The following MED1 variants were observed in gnomAD, a reference collection of about 807,000 sequenced individuals.
MED1 encodes mediator complex subunit 1.
MED1 carries 17 observed loss-of-function variants against 121.3 expected under a neutral mutation model. That is an observed-to-expected ratio of 0.14 (90% confidence interval 0.10 to 0.21). The LOEUF (loss-of-function observed/expected upper bound fraction) is 0.21, where lower values mean the gene tolerates loss of function less well. MED1 is among the 10% of genes least tolerant of loss of function. The pLI, the probability that MED1 is intolerant of heterozygous loss-of-function variation, is 1.00. For missense variants in MED1, 1,558 were observed against 1,919.4 expected (o/e 0.81, Z 3.52); for synonymous variants, 661 against 694.4 (o/e 0.95, Z 0.76).
rs546267334 is a variant in MED1 at position 39,406,115 on chromosome 17, G to C, written c.*1360C>G. On this transcript the variant is annotated 3_prime_UTR_variant, in exon 17 of 17. Coordinates refer to ENST00000300651, the MANE Select transcript of MED1 (RefSeq NM_004774.4). ...CTGGATTTCTATATTTTTATGTGAA[G>C]GGCTCTTATTGATGTCCCCCAGAAT... The C allele has an allele frequency of 1.7e-5, 17 of 985,444 alleles. No individual in the cohort carries two copies. Among genetic ancestry groups the C allele is most frequent in the Non-Finnish European group, 2.0e-5 (17 of 829,920 alleles). 61.0% of individuals were successfully genotyped at this position (985,444 alleles called of 1,614,324 possible).
chr17:39,434,342 G>A (rs2048598402), intron 6 of MED1, 22 bp from the exon 7 acceptor site: 6 of 1,302,356 alleles, frequency 4.6e-6, no homozygotes, highest in South Asian at 1.4e-5. Context: ...TCAGGGAAGA[G>A]GGGAAAGAGA....
intron 2 of MED1, among the ~76,000 whole-genome samples, chr17:39,444,686 T>G (rs192559705): frequency 3.8e-4 from 57 of 151,672 alleles, no homozygotes; most frequent in Admixed American, 1.3e-3. Context: ...CTGGCCAACA[T>G]AGTGAAACCC....
rs2048330723 is a variant in MED1, at chr17:39,409,072, T to C, written c.3149A>G (p.Gln1050Arg). The C allele has an allele frequency of 1.2e-6, 2 of 1,614,208 alleles. No homozygotes were observed. The highest frequency in any genetic ancestry group is 1.7e-6 in the Non-Finnish European group (2 of 1,180,032). ...TGGTGTGGCAACACCTGGGGGAGTC[T>C]GAGATCTTCCTGCACTGCCTGGCGA... ...SKSPGSAGRS[Q>R]TPPGVATPPI... The change falls in exon 17 of 17, where the codon CAG (glutamine) becomes CGG (arginine). Residue 1050 changes from glutamine (Q) to arginine (R), a missense_variant. Physicochemically the swap from Gln to Arg is conservative, Grantham distance 43. Coordinates refer to ENST00000300651, the MANE Select transcript of MED1 (RefSeq NM_004774.4).
chr17:39,434,146 G>T, intron 7 of MED1, 103 bp downstream of exon 7: 1 of 706,566 alleles, frequency 1.4e-6, no homozygotes, highest in Non-Finnish European at 2.4e-6. Flanking sequence ...TAGAAACTAG[G>T]AGTGACAAAC....
In MED1 at chr17:39,432,831, G is replaced by A. The variant is rs1442814740; in HGVS notation, c.501-815C>T. Among the ~76,000 whole-genome samples, 4 of 152,048 alleles carry A rather than the reference G, an allele frequency of 2.6e-5. No homozygotes were observed. The East Asian group carries it at 7.7e-4, about 29-fold the overall frequency. On this transcript the variant is annotated intron_variant, in intron 7 of 16. Transcript: ENST00000300651. ...TGTAATCCCAACACTTTGGGAGGCCGAAGCGGGTAGATCACGTGAGGTCAG... is the reference window on the plus strand; with the variant it reads ...TGTAATCCCAACACTTTGGGAGGCCAAAGCGGGTAGATCACGTGAGGTCAG...
In MED1 at chr17:39,407,438, T is replaced by C; in HGVS notation, c.*37A>G. ...GCCTATAAACTTATCAATAGTTTTTTTTCCTCTGGCCCTGTTTCTTTTAGG... is the reference window on the plus strand; with the variant it reads ...GCCTATAAACTTATCAATAGTTTTTCTTCCTCTGGCCCTGTTTCTTTTAGG... On this transcript the variant is annotated 3_prime_UTR_variant, in exon 17 of 17. Transcript: ENST00000300651. 6.4e-7 allele frequency: 1 copy of C among 1,554,878 alleles called. No homozygotes were observed. Among genetic ancestry groups the C allele is most frequent in the Non-Finnish European group, 8.7e-7 (1 of 1,154,594 alleles).
chr17:39,415,814 C>CAAAAA (rs61614470), intron 14 of MED1, among the ~76,000 whole-genome samples: 2 of 40,634 alleles, frequency 4.9e-5, no homozygotes, highest in Non-Finnish European at 8.5e-5. Flanking sequence ...GACTCCATCT[C>CAAAAA]AAAAAAAAAA....
In MED1 at chr17:39,405,961, G is replaced by C; in HGVS notation, c.*1514C>G. 1 of 984,932 alleles carries C rather than the reference G, an allele frequency of 1.0e-6. No homozygotes were observed. Among genetic ancestry groups the C allele is most frequent in the Non-Finnish European group, 1.2e-6 (1 of 829,808 alleles). The allele number at this position is 984,932 out of a possible 1,614,324, so 61.0% of individuals were successfully genotyped here. On this transcript the variant is annotated 3_prime_UTR_variant, in exon 17 of 17. Transcript: ENST00000300651. The stretch of plus-strand genomic sequence containing the variant: ...TGTGCTGGGGACCATGCCCCATCCC[G>C]CTGATACAGATCCTGAATGGAATAA...
Position 39,440,734 on chromosome 17 carries a change from T to TA in MED1, c.212-58_212-57insT. 2 of 1,446,688 alleles carry TA rather than the reference T, an allele frequency of 1.4e-6. No individual in the cohort carries two copies. The highest frequency in any genetic ancestry group is 1.4e-5 in the African/African-American group (1 of 70,414). 89.6% of individuals were successfully genotyped at this position (1,446,688 alleles called of 1,614,324 possible). A position where few individuals can be genotyped will look rare whatever the true frequency, so the allele number is the denominator to read the frequency against. ...AATGCTCCAAATGACTTAAATGATA[T>TA]TCTTTTAAGACAGAAAGATTCATCC... On this transcript the variant is annotated intron_variant, in intron 3 of 16. Transcript: ENST00000300651. This position sits in a 1 kb window ranked among gnomAD's most constrained non-coding sequence, Gnocchi z 4.1.
At chr17:39,432,342 CA>C (rs36069735) in intron 7 of MED1, among the ~76,000 whole-genome samples, 24 of 81,012 alleles carry the variant, frequency 3.0e-4, no homozygotes, top group East Asian at 7.0e-4. Context: ...GATTCCATCT[CA>C]AAAAAAAAAA....
chr17:39,426,354 G>C (rs1567646251), intron 10 of MED1, among the ~76,000 whole-genome samples: 1 of 152,056 alleles, frequency 6.6e-6, no homozygotes, highest in Non-Finnish European at 1.5e-5. Context: ...GGCTGAGGCA[G>C]GAGAATCACT....
At position 39,406,361 on chromosome 17, in the gene MED1, A is replaced by G. The variant is rs2048303498; in HGVS notation, c.*1114T>C. 2.0e-6 allele frequency: 2 copies of G among 985,438 alleles called. No individual in the cohort carries two copies. The highest frequency in any genetic ancestry group is 1.2e-4 in the Admixed American group (2 of 16,256). 61.0% of individuals were successfully genotyped at this position (985,438 alleles called of 1,614,324 possible). A position where few individuals can be genotyped will look rare whatever the true frequency, so the allele number is the denominator to read the frequency against. Reference sequence around the variant, plus strand: ...GACTCCTTCTCCTTGTGATGAAGAGAAACAGTGAGTCCAGCTCTTAGGAAT... The same window carrying G: ...GACTCCTTCTCCTTGTGATGAAGAGGAACAGTGAGTCCAGCTCTTAGGAAT... On this transcript the variant is annotated 3_prime_UTR_variant, in exon 17 of 17. Transcript: ENST00000300651.
At chr17:39,438,785 T>C (rs1404035624) in intron 6 of MED1, among the ~76,000 whole-genome samples, 2 of 152,018 alleles carry the variant, frequency 1.3e-5, no homozygotes, top group East Asian at 3.9e-4. Context: ...CTAGTCTCTA[T>C]TAAAAATACA....
intron 6 of MED1, among the ~76,000 whole-genome samples, chr17:39,436,128 C>T (rs1315821386): frequency 6.6e-6 from 1 of 151,668 alleles, no homozygotes; most frequent in Non-Finnish European, 1.5e-5. Flanking sequence ...TTTGGGAGGC[C>T]GAGGCGGGCA....
chr17:39,433,276 G>A (rs2048584678), intron 7 of MED1, among the ~76,000 whole-genome samples: 1 of 151,128 alleles, frequency 6.6e-6, no homozygotes, highest in Non-Finnish European at 1.5e-5. Context: ...GGCTGAGGCA[G>A]GAGAACTGCT....
chr17:39,443,449 G>A (rs2048698048), intron 3 of MED1, 101 bp downstream of exon 3: 7 of 928,042 alleles, frequency 7.5e-6, no homozygotes, highest in Non-Finnish European at 1.2e-5. Flanking sequence ...AATACATAAA[G>A]TTGACCTACC....
At chr17:39,415,362 A>T in intron 14 of MED1, 23 bp from the exon 15 acceptor site, 1 of 1,579,680 alleles carries the variant, frequency 6.3e-7, no homozygotes, top group Non-Finnish European at 8.7e-7. Context: ...GAGAAAGATC[A>T]TAAAACAACC....
At position 39,440,435 on chromosome 17, in the gene MED1, G is replaced by A; in HGVS notation, c.350C>T (p.Ala117Val). 6.3e-7 allele frequency: 1 copy of A among 1,593,142 alleles called. No individual in the cohort carries two copies. The highest frequency in any genetic ancestry group is 8.5e-7 in the Non-Finnish European group (1 of 1,175,096). The part of the protein sequence containing the change: ...MFYVEVQLDP[A>V]GQLCDVKVAH... ...CACTTTTACATCACAAAGCTGTCCT[G>A]CAGGATCTAACTGCACTTCCACATA... The change falls in exon 5 of 17, where the codon GCA becomes GTA. Residue 117 changes from alanine to valine, a missense_variant. Physicochemically the swap from Ala to Val is moderately conservative, Grantham distance 64. Transcript: ENST00000300651. This position sits in a 1 kb window ranked among gnomAD's most constrained non-coding sequence, Gnocchi z 4.1.
chr17:39,437,168 G>A (rs2144760418), intron 6 of MED1, among the ~76,000 whole-genome samples: 1 of 152,254 alleles, frequency 6.6e-6, no homozygotes, highest in Admixed American at 6.5e-5. Flanking sequence ...CTGACTTCAG[G>A]TGATCCGCCT....
Sources: allele counts gnomAD v4.1 joint callset (sites outside exome capture counted in the v4.1 genomes callset), GRCh38; gene constraint gnomAD v4.1.1; non-coding constraint Gnocchi (gnomAD v3.1); transcripts MANE v1.5; gene names NCBI Gene and HGNC (gene_info 2026-07-23, HGNC 2026-07-21).